The following TOP1 variants were observed in gnomAD, a reference collection of about 807,000 sequenced individuals.
The protein encoded by TOP1 is DNA topoisomerase I, also known as DNA topoisomerase 1.
TOP1 carries 10 observed loss-of-function variants against 111.1 expected under a neutral mutation model. The ratio of observed to expected loss-of-function variants is 0.09; its 90% CI spans 0.06 to 0.15. TOP1 has a LOEUF of 0.15. Among genes scored for constraint, TOP1 ranks in the 10% least tolerant of loss-of-function variants. The pLI is 1.00. For synonymous variants in TOP1, 271 were observed against 302.9 expected (o/e 0.89, Z 1.10); for missense variants, 474 against 926.7 (o/e 0.51, Z 6.34).
At chr20:41,113,097 G>A (rs1251095959) in intron 14 of TOP1, among the ~76,000 whole-genome samples, 172 bp downstream of exon 14, 21 of 152,208 alleles carry the variant, frequency 1.4e-4, no homozygotes, top group Admixed American at 2.6e-4. Flanking sequence ...ACTGTGAGCA[G>A]TAGATTCTGA....
chr20:41,123,595 C>G lies in TOP1; in HGVS notation c.*298C>G, dbSNP rs1373151335. 2 of 312,766 alleles carry G rather than the reference C, an allele frequency of 6.4e-6. No homozygotes were observed. The highest frequency in any genetic ancestry group is 4.3e-5 in the African/African-American group (2 of 47,000). 19.4% of individuals were successfully genotyped at this position (312,766 alleles called of 1,614,324 possible). On this transcript the variant is annotated 3_prime_UTR_variant, in exon 21 of 21. Transcript: ENST00000361337. This position sits in a 1 kb window ranked among gnomAD's most constrained non-coding sequence, Gnocchi z 5.8. ...GGGAATTTGTCAGCGTTCTACCAGG[C>G]AAATTCACTGTTTCACTGAAATGTT...
intron 2 of TOP1, among the ~76,000 whole-genome samples, chr20:41,042,726 G>A (rs11700111): frequency 0.023 from 3,497 of 152,224 alleles, 66 homozygotes; most frequent in Middle Eastern, 0.044. Flanking sequence ...TTGACTCCTC[G>A]AAAACTTAAC....
chr20:41,044,624 A>G (rs576285228), intron 2 of TOP1, among the ~76,000 whole-genome samples: 2 of 152,334 alleles, frequency 1.3e-5, no homozygotes, highest in South Asian at 4.1e-4. Flanking sequence ...ATGTAGGGAA[A>G]AGTCCTTGAC....
rs1012714057 is a variant in TOP1, at chr20:41,071,620, C to T, written c.156-4551C>T. Among the ~76,000 whole-genome samples the T allele has an allele frequency of 2.6e-5, 4 of 152,354 alleles. No individual in the cohort carries two copies. Among genetic ancestry groups the T allele is most frequent in the Admixed American group, 2.0e-4 (3 of 15,306 alleles). ...TCGGCCTCCTGAAGTGCTAGGATTA[C>T]AGGCATGAGCCACCACGCCCAGCCA... On this transcript the variant is annotated intron_variant, in intron 3 of 20. Coordinates refer to ENST00000361337, the MANE Select transcript of TOP1 (RefSeq NM_003286.4). The surrounding 1 kb of genome is among the most constrained non-coding windows in gnomAD (Gnocchi z 4.3).
chr20:41,084,691 C>G (rs762955400), intron 8 of TOP1, 123 bp downstream of exon 8: 105 of 590,030 alleles, frequency 1.8e-4, no homozygotes, highest in Non-Finnish European at 2.8e-4. Context: ...AACAATTTCT[C>G]TAGAGTAACT....
intron 3 of TOP1, among the ~76,000 whole-genome samples, chr20:41,075,210 C>T (rs913618080): frequency 3.3e-5 from 5 of 152,100 alleles, no homozygotes; most frequent in African/African-American, 4.8e-5. Flanking sequence ...CTCGCTCTTT[C>T]GCCCAGGCTG....
At position 41,030,259 on chromosome 20, in the gene TOP1, C is replaced by G. The variant is rs2033101678; in HGVS notation, c.58+804C>G. ...GAACTTTTCATTGTGGTCGAGGTTC[C>G]CAATGCAGTGTTTTTCTGGAAACGC... On this transcript the variant is annotated intron_variant, in intron 2 of 20. Transcript: ENST00000361337. This position sits in a 1 kb window ranked among gnomAD's most constrained non-coding sequence, Gnocchi z 4.1. Among the ~76,000 whole-genome samples, 1 of 152,034 alleles carries G rather than the reference C, an allele frequency of 6.6e-6. No homozygotes were observed. Among genetic ancestry groups the G allele is most frequent in the African/African-American group, 2.4e-5 (1 of 41,354 alleles).
intron 8 of TOP1, among the ~76,000 whole-genome samples, chr20:41,091,599 C>T (rs1483122849): frequency 7.1e-6 from 1 of 139,966 alleles, no homozygotes; most frequent in Non-Finnish European, 1.5e-5. Context: ...CTCTGTTGCC[C>T]AGGCTGGAGT....
In TOP1 at chr20:41,080,651, C is replaced by T. The variant is rs2033778301; in HGVS notation, c.431+471C>T. On this transcript the variant is annotated intron_variant, in intron 6 of 20. Transcript: ENST00000361337. The surrounding 1 kb of genome is among the most constrained non-coding windows in gnomAD (Gnocchi z 5.0). ...AGATTCAATGAGATTAAATTATATT[C>T]ATTATTTTCACTCTTATATAGCTTA... Among the ~76,000 whole-genome samples, 1 of 152,064 alleles carries T rather than the reference C, an allele frequency of 6.6e-6. No individual in the cohort carries two copies. Among genetic ancestry groups the T allele is most frequent in the Non-Finnish European group, 1.5e-5 (1 of 68,010 alleles).
In TOP1 at chr20:41,029,514, G is replaced by T. The variant is rs1169530766; in HGVS notation, c.58+59G>T. 7.1e-7 allele frequency: 1 copy of T among 1,410,174 alleles called. No homozygotes were observed. The highest frequency in any genetic ancestry group is 9.8e-7 in the Non-Finnish European group (1 of 1,022,272). 87.4% of individuals were successfully genotyped at this position (1,410,174 alleles called of 1,614,324 possible). On this transcript the variant is annotated intron_variant, in intron 2 of 20. Transcript: ENST00000361337. This position sits in a 1 kb window ranked among gnomAD's most constrained non-coding sequence, Gnocchi z 6.1. Reference sequence around the variant, plus strand: ...CCCAGCCGCCGGCCGCCTCCCCCGCGCCCTGCCGGTGCCGGGCAGAGGACA... The same window carrying T: ...CCCAGCCGCCGGCCGCCTCCCCCGCTCCCTGCCGGTGCCGGGCAGAGGACA...
intron 8 of TOP1, among the ~76,000 whole-genome samples, chr20:41,091,307 G>T (rs1247876282): frequency 6.6e-6 from 1 of 152,134 alleles, no homozygotes; most frequent in African/African-American, 2.4e-5. Flanking sequence ...TGCAATTTGT[G>T]AGCCTGAGTT....
chr20:41,120,120 G>A (rs1316292558), intron 18 of TOP1, among the ~76,000 whole-genome samples: 1 of 152,216 alleles, frequency 6.6e-6, no homozygotes, highest in Non-Finnish European at 1.5e-5. Flanking sequence ...TTGATGCTTT[G>A]AGAGAATTTG....
Position 41,029,083 on chromosome 20 carries a change from C to G in TOP1, c.16C>G (p.Leu6Val). Residue 6 changes from leucine (L) to valine (V), a missense_variant, in exon 1 of 21, where the codon CTC becomes GTC. Transcript: ENST00000361337. The surrounding 1 kb of genome is among the most constrained non-coding windows in gnomAD (Gnocchi z 6.1). MSGDH[L>V]HNDSQIEADF... is the part of the protein sequence containing the mutation. ...CCGGGCCGACATGAGTGGGGACCAC[C>G]TCCACAACGATTCCCAGGTACGGCC... 2 of 1,537,454 alleles carry G rather than the reference C, an allele frequency of 1.3e-6. No homozygotes were observed. The highest frequency in any genetic ancestry group is 1.7e-6 in the Non-Finnish European group (2 of 1,145,580).
rs2034062210 is a variant in TOP1, at chr20:41,101,394, A to G, written c.1308+41A>G. 2 of 1,581,870 alleles carry G rather than the reference A, an allele frequency of 1.3e-6. No homozygotes were observed. The highest frequency in any genetic ancestry group is 1.7e-6 in the Non-Finnish European group (2 of 1,158,598). ...AGAGCTGCACTGGTTCATGGTGCTG[A>G]TAACCTTTTTTTGTTGAAATGTAAC... On this transcript the variant is annotated intron_variant, in intron 13 of 20. Transcript: ENST00000361337. The surrounding 1 kb of genome is among the most constrained non-coding windows in gnomAD (Gnocchi z 4.1).
In TOP1 at chr20:41,094,595, G is replaced by T. The variant is rs183643504; in HGVS notation, c.730+2008G>T. Reference sequence around the variant, plus strand: ...CTCCTTTACAGGATCCTGCTTTAGGGCTCCAGCATTTTCTCAGCTGGTCCT... The same window carrying T: ...CTCCTTTACAGGATCCTGCTTTAGGTCTCCAGCATTTTCTCAGCTGGTCCT... On this transcript the variant is annotated intron_variant, in intron 9 of 20. Transcript: ENST00000361337. The surrounding 1 kb of genome is among the most constrained non-coding windows in gnomAD (Gnocchi z 4.4). Among the ~76,000 whole-genome samples the T allele has an allele frequency of 9.3e-4, 142 of 152,196 alleles. 1 individual carries two copies. The highest frequency in any genetic ancestry group is 3.1e-3 in the African/African-American group (129 of 41,524).
Position 41,110,331 on chromosome 20 carries a change from T to C in TOP1, c.1309-2451T>C, listed in dbSNP as rs1245285230. ...AAGGCAGACAGAGGAGTCTATATTG[T>C]ATGATTCTATTTATATAATCTAGAC... On this transcript the variant is annotated intron_variant, in intron 13 of 20. Coordinates refer to ENST00000361337, the MANE Select transcript of TOP1 (RefSeq NM_003286.4). The surrounding 1 kb of genome is among the most constrained non-coding windows in gnomAD (Gnocchi z 4.2). Among the ~76,000 whole-genome samples, 1 of 152,186 alleles carries C rather than the reference T, an allele frequency of 6.6e-6. No homozygotes were observed. Among genetic ancestry groups the C allele is most frequent in the Non-Finnish European group, 1.5e-5 (1 of 68,036 alleles).
chr20:41,091,843 C>T (rs922446697), intron 8 of TOP1, among the ~76,000 whole-genome samples: 3 of 152,030 alleles, frequency 2.0e-5, no homozygotes, highest in Admixed American at 2.0e-4. Flanking sequence ...GGATTACAGG[C>T]GTATATGGTG....
rs1256385380 is a variant in TOP1 at position 41,121,769 on chromosome 20, T to C, written c.2024T>C (p.Met675Thr). 2 of 1,614,154 alleles carry C rather than the reference T, an allele frequency of 1.2e-6. No individual in the cohort carries two copies. The highest frequency in any genetic ancestry group is 1.3e-5 in the African/African-American group (1 of 75,054). The change falls in exon 19 of 21, where the codon ATG (methionine) becomes ACG (threonine). Residue 675 changes from methionine to threonine, a missense_variant. Coordinates refer to ENST00000361337, the MANE Select transcript of TOP1 (RefSeq NM_003286.4). This position sits in a 1 kb window ranked among gnomAD's most constrained non-coding sequence, Gnocchi z 4.2. ...AGTGCTAAGGCTGATGCCAAGGTCA[T>C]GAAGGATGCAAAGACGAAGAAGTAT... ...LKSAKADAKV[M>T]KDAKTKKVVE...
At position 41,098,380 on chromosome 20, in the gene TOP1, T is replaced by G; in HGVS notation, c.975+43T>G. ...AAACCTCTGGAGAATTCTGGAATTG[T>G]GATTGGTTCATTTAACTTTCTTCTT... is the stretch of plus-strand genomic sequence containing the variant. On this transcript the variant is annotated intron_variant, in intron 11 of 20. Coordinates refer to ENST00000361337, the MANE Select transcript of TOP1 (RefSeq NM_003286.4). This position sits in a 1 kb window ranked among gnomAD's most constrained non-coding sequence, Gnocchi z 5.7. 6.3e-7 allele frequency: 1 copy of G among 1,594,046 alleles called. No homozygotes were observed. Among genetic ancestry groups the G allele is most frequent in the South Asian group, 1.1e-5 (1 of 87,716 alleles).
Sources: allele counts gnomAD v4.1 joint callset (sites outside exome capture counted in the v4.1 genomes callset), GRCh38; gene constraint gnomAD v4.1.1; non-coding constraint Gnocchi (gnomAD v3.1); transcripts MANE v1.5; gene names NCBI Gene and HGNC (gene_info 2026-07-23, HGNC 2026-07-21).